The following GATAD2A variants were observed in gnomAD, a reference collection of about 807,000 sequenced individuals.
GATAD2A encodes the protein GATA zinc finger domain containing 2A.
A neutral mutation model predicts 68.5 loss-of-function variants in GATAD2A; 12 were observed. The observed-to-expected ratio is 0.18, with a 90% CI of 0.11 to 0.28. GATAD2A has a LOEUF of 0.28. Among genes scored for constraint, GATAD2A ranks in the 10% least tolerant of loss-of-function variants. GATAD2A has a pLI of 1.00. For missense variants in GATAD2A, 755 were observed against 868.5 expected (o/e 0.87, Z 1.64); for synonymous variants, 410 against 375.3 (o/e 1.09, Z -1.07).
At chr19:19,429,017 G>GT (rs35115269) in intron 1 of GATAD2A, among the ~76,000 whole-genome samples, 1,692 of 130,058 alleles carry the variant, frequency 0.013, 20 homozygotes, top group African/African-American at 0.031. Context: ...GCATTTGTAT[G>GT]TTTTTTTTTT....
chr19:19,389,380 A>C (rs947792178), intron 1 of GATAD2A, among the ~76,000 whole-genome samples: 2 of 152,198 alleles, frequency 1.3e-5, no homozygotes, highest in African/African-American at 4.8e-5. Flanking sequence ...ACTGCAGTTC[A>C]CTTTACAGTT....
At chr19:19,490,491 G>C (rs1253409761) in intron 2 of GATAD2A, among the ~76,000 whole-genome samples, 1 of 152,180 alleles carries the variant, frequency 6.6e-6, no homozygotes, top group East Asian at 1.9e-4. Flanking sequence ...GGCACAGCAA[G>C]AGCCAGGACA....
chr19:19,437,642 T>C (rs1034295521), intron 1 of GATAD2A, among the ~76,000 whole-genome samples: 4 of 152,240 alleles, frequency 2.6e-5, no homozygotes, highest in Admixed American at 2.0e-4. Context: ...TCTGTTGATT[T>C]GCCTGTTGTG....
intron 1 of GATAD2A, among the ~76,000 whole-genome samples, chr19:19,421,255 A>G (rs2052383859): frequency 1.3e-5 from 2 of 152,118 alleles, no homozygotes; most frequent in African/African-American, 4.8e-5. Context: ...AGGGAGGGCC[A>G]GGGAGGTGAG....
chr19:19,445,762 G>A (rs2055636802), intron 1 of GATAD2A, among the ~76,000 whole-genome samples: 1 of 152,066 alleles, frequency 6.6e-6, no homozygotes, highest in Admixed American at 6.5e-5. Context: ...CCTTTTTATG[G>A]CCAAATAATA....
intron 5 of GATAD2A, 43 bp from the exon 6 acceptor site, chr19:19,495,711 G>A (rs2060104950): frequency 3.2e-6 from 5 of 1,545,594 alleles, no homozygotes; most frequent in Middle Eastern, 1.8e-4. Context: ...AAAGTGTGGG[G>A]GGGTCCGGTC....
chr19:19,404,261 T>TC (rs1322970905), upstream of GATAD2A, among the ~76,000 whole-genome samples: 2 of 151,960 alleles, frequency 1.3e-5, no homozygotes, highest in African/African-American at 2.4e-5. Flanking sequence ...AAAAACAATT[T>TC]TTTTTTTTTT....
chr19:19,396,777 C>T (rs1456923048), intron 1 of GATAD2A, among the ~76,000 whole-genome samples: 3 of 152,132 alleles, frequency 2.0e-5, no homozygotes, highest in Non-Finnish European at 4.4e-5. Flanking sequence ...GGTGCAGTCT[C>T]AGCTCATTGC....
chr19:19,455,476 C>CA (rs1320515875), intron 1 of GATAD2A, among the ~76,000 whole-genome samples: 1 of 151,676 alleles, frequency 6.6e-6, no homozygotes, highest in Non-Finnish European at 1.5e-5. Context: ...GCCTGGGTGA[C>CA]AGAGCAAGAC....
At chr19:19,404,808 G>A (rs1377954035), upstream of GATAD2A, among the ~76,000 whole-genome samples, 1 of 152,196 alleles carries the variant, frequency 6.6e-6, no homozygotes, top group Non-Finnish European at 1.5e-5. Flanking sequence ...CCACTCTTCA[G>A]GAGTCTAGGT....
intron 2 of GATAD2A, among the ~76,000 whole-genome samples, chr19:19,484,532 C>CTTT (rs897099165): frequency 2.2e-4 from 19 of 86,990 alleles, no homozygotes; most frequent in African/African-American, 3.9e-4. Flanking sequence ...TTTTTTTTTT[C>CTTT]TTTTTTTTTT....
intron 2 of GATAD2A, among the ~76,000 whole-genome samples, chr19:19,490,889 A>G (rs1179221034): frequency 2.0e-5 from 3 of 152,214 alleles, no homozygotes; most frequent in Non-Finnish European, 2.9e-5. Flanking sequence ...CATCTCAAAA[A>G]AGAAGAAAGA....
At chr19:19,443,571 T>C (rs901300634) in intron 1 of GATAD2A, among the ~76,000 whole-genome samples, 17 of 152,110 alleles carry the variant, frequency 1.1e-4, no homozygotes, top group Non-Finnish European at 2.1e-4. Flanking sequence ...TAGGATTTGC[T>C]TCGTGGAAGC....
intron 2 of GATAD2A, among the ~76,000 whole-genome samples, chr19:19,490,589 GTTT>G (rs1209632535): frequency 6.6e-6 from 1 of 152,118 alleles, no homozygotes; most frequent in Non-Finnish European, 1.5e-5. Flanking sequence ...TCCTTGGCTG[GTTT>G]TCCTGCTGAC....
At chr19:19,406,589 C>T (rs1600020492) in intron 1 of GATAD2A, among the ~76,000 whole-genome samples, 1 of 152,214 alleles carries the variant, frequency 6.6e-6, no homozygotes, top group African/African-American at 2.4e-5. Flanking sequence ...CCTTTCCCCT[C>T]TCTGATCTCC....
chr19:19,430,462 C>T (rs984297892), intron 1 of GATAD2A, among the ~76,000 whole-genome samples: 5 of 152,144 alleles, frequency 3.3e-5, no homozygotes, highest in South Asian at 2.1e-4. Flanking sequence ...AGAAGGTGAA[C>T]GGTGTTGTTG....
chr19:19,495,904 A>G lies in GATAD2A; in HGVS notation c.756+19A>G, dbSNP rs2060117523. On this transcript the variant is annotated intron_variant, in intron 6 of 11. Transcript: ENST00000683918. ...GGCTCAGGTAAGCAGGGCTGTGCACATGGGGGAGACCTGGCAGCCTCAGCA... is the reference window on the plus strand; with the variant it reads ...GGCTCAGGTAAGCAGGGCTGTGCACGTGGGGGAGACCTGGCAGCCTCAGCA... 7.5e-6 allele frequency: 12 copies of G among 1,605,422 alleles called. No individual in the cohort carries two copies. The highest frequency in any genetic ancestry group is 1.0e-5 in the Non-Finnish European group (12 of 1,173,796).
At chr19:19,409,767 A>G (rs1464773744) in intron 1 of GATAD2A, among the ~76,000 whole-genome samples, 3 of 152,234 alleles carry the variant, frequency 2.0e-5, no homozygotes, top group Non-Finnish European at 4.4e-5. Flanking sequence ...CACTGGGGAC[A>G]GATCCCGCTC....
intron 2 of GATAD2A, among the ~76,000 whole-genome samples, chr19:19,487,855 C>T (rs1011104944): frequency 2.6e-5 from 4 of 152,146 alleles, no homozygotes; most frequent in Non-Finnish European, 5.9e-5. Flanking sequence ...TTGGCTCTAG[C>T]AGAGCCCTCA....
Sources: allele counts gnomAD v4.1 joint callset (sites outside exome capture counted in the v4.1 genomes callset), GRCh38; gene constraint gnomAD v4.1.1; transcripts MANE v1.5; gene names NCBI Gene and HGNC (gene_info 2026-07-23, HGNC 2026-07-21).